The following ARB2A variants were observed in gnomAD, a reference collection of about 807,000 sequenced individuals.
ARB2A encodes the protein cotranscriptional regulator ARB2A.
the ARB2A span, among the ~76,000 whole-genome samples, chr5:93,668,825 C>A: frequency 8.5e-5 from 13 of 152,106 alleles, no homozygotes; most frequent in Non-Finnish European, 1.3e-4. Context: ...CCTTATTGAT[C>A]ATCAGACCAT....
chr5:93,618,116 A>C, the ARB2A span: 3 of 152,130 alleles, frequency 2.0e-5, no homozygotes, highest in South Asian at 6.2e-4. Context: ...GAAATATAAT[A>C]TACAGGAAAA....
chr5:93,690,580 T>C, the ARB2A span, among the ~76,000 whole-genome samples: 5 of 152,012 alleles, frequency 3.3e-5, no homozygotes, highest in Non-Finnish European at 7.4e-5. Context: ...CAAACTCCCA[T>C]CTCCCTGGGA....
the ARB2A span, among the ~76,000 whole-genome samples, chr5:93,776,506 G>A: frequency 6.6e-5 from 10 of 152,170 alleles, no homozygotes; most frequent in Admixed American, 2.0e-4. Context: ...GGCAGGGCGC[G>A]GTAGCTCGCA....
chr5:93,961,879 T>C, the ARB2A span, among the ~76,000 whole-genome samples: 1 of 152,118 alleles, frequency 6.6e-6, no homozygotes, highest in Admixed American at 6.6e-5. Context: ...TGTAACAATA[T>C]TAATGAGTAA....
chr5:94,079,599 C>T, the ARB2A span, among the ~76,000 whole-genome samples: 1 of 152,146 alleles, frequency 6.6e-6, no homozygotes, highest in Non-Finnish European at 1.5e-5. Flanking sequence ...TTTCTTCATT[C>T]TGCAGAAAAT....
At chr5:93,766,910 A>C in the ARB2A span, among the ~76,000 whole-genome samples, 1 of 152,040 alleles carries the variant, frequency 6.6e-6, no homozygotes, top group East Asian at 1.9e-4. Flanking sequence ...GACGATGGAA[A>C]CCATTATTCT....
At chr5:93,972,917 A>T in the ARB2A span, among the ~76,000 whole-genome samples, 1 of 151,986 alleles carries the variant, frequency 6.6e-6, no homozygotes, top group Admixed American at 6.5e-5. Context: ...CTCTTAAAAA[A>T]AAAAAAAAAA....
chr5:93,629,965 T>G, the ARB2A span, among the ~76,000 whole-genome samples: 5 of 152,196 alleles, frequency 3.3e-5, no homozygotes, highest in African/African-American at 9.6e-5. Flanking sequence ...AATCAGGAGA[T>G]CTGTAATATG....
the ARB2A span, among the ~76,000 whole-genome samples, chr5:93,639,795 CCAGCA>C: frequency 6.6e-6 from 1 of 151,886 alleles, no homozygotes; most frequent in African/African-American, 2.4e-5. Context: ...ACCTGTAATC[CCAGCA>C]CTTTGGGAGG....
the ARB2A span, chr5:93,805,019 C>G: frequency 1.4e-5 from 14 of 972,008 alleles, no homozygotes; most frequent in Non-Finnish European, 1.7e-5. Flanking sequence ...GAAAAAAATA[C>G]ATCTTTAGAG....
chr5:94,086,818 G>A, the ARB2A span, among the ~76,000 whole-genome samples: 1 of 152,182 alleles, frequency 6.6e-6, no homozygotes, highest in South Asian at 2.1e-4. Context: ...CTCCCAAAGT[G>A]CTGGGATTAC....
the ARB2A span, among the ~76,000 whole-genome samples, chr5:93,816,448 C>T: frequency 6.6e-6 from 1 of 152,092 alleles, no homozygotes; most frequent in African/African-American, 2.4e-5. Context: ...ATTAATATGT[C>T]AATTCCTTTG....
chr5:93,998,308 TAG>T, the ARB2A span, among the ~76,000 whole-genome samples: 1,301 of 152,090 alleles, frequency 8.6e-3, 11 homozygotes, highest in South Asian at 0.02. Context: ...GGAAGTCAAA[TAG>T]AGTTTATCTC....
At chr5:94,031,042 C>T in the ARB2A span, among the ~76,000 whole-genome samples, 132,390 of 152,208 alleles carry the variant, frequency 0.87, 58,909 homozygotes, top group East Asian at 1. Flanking sequence ...CAGTCTCAGG[C>T]ATTCTGTCAT....
the ARB2A span, among the ~76,000 whole-genome samples, chr5:93,900,480 G>A: frequency 5.7e-4 from 86 of 152,032 alleles, 1 homozygote; most frequent in African/African-American, 2.0e-3. Flanking sequence ...GCTTGGTGGT[G>A]CGCACCTGTG....
At chr5:93,808,272 C>T in the ARB2A span, among the ~76,000 whole-genome samples, 1 of 151,842 alleles carries the variant, frequency 6.6e-6, no homozygotes, top group Non-Finnish European at 1.5e-5. Flanking sequence ...AAGAGAAATA[C>T]TCAGCATTAC....
the ARB2A span, among the ~76,000 whole-genome samples, chr5:93,693,456 G>T: frequency 6.6e-6 from 1 of 151,864 alleles, no homozygotes; most frequent in Non-Finnish European, 1.5e-5. Context: ...AAATATAGAA[G>T]AAATGGATAG....
chr5:93,960,518 T>C, the ARB2A span, among the ~76,000 whole-genome samples: 1 of 152,224 alleles, frequency 6.6e-6, no homozygotes, highest in Non-Finnish European at 1.5e-5. Context: ...GTTCTCTCGT[T>C]TGTATCCACT....
At chr5:93,999,116 A>G in the ARB2A span, among the ~76,000 whole-genome samples, 1 of 152,062 alleles carries the variant, frequency 6.6e-6, no homozygotes, top group Admixed American at 6.6e-5. Context: ...TTTATAACAT[A>G]GAAAACTGCT....
Sources: gnomAD v4.1 joint callset for allele counts (sites outside exome capture counted in the v4.1 genomes callset) on GRCh38, gnomAD v4.1.1 for gene constraint, MANE v1.5 for transcripts, NCBI Gene and HGNC (gene_info 2026-07-23, HGNC 2026-07-21) for gene names.